SEMA5A: variants seen among roughly 807,000 people sequenced by gnomAD.
SEMA5A encodes the protein semaphorin-5A.
SEMA5A carries 55 observed loss-of-function variants against 135.5 expected under a neutral mutation model. The observed-to-expected ratio is 0.41, with a 90% CI of 0.33 to 0.51. The LOEUF is 0.51. Among genes scored for constraint, SEMA5A ranks in the 20% least tolerant of loss-of-function variants. The probability of loss-of-function intolerance (pLI) is 0.37; values close to 1 mark genes in which losing one functional copy is unlikely to be tolerated. For missense variants in SEMA5A, 1,290 were observed against 1,419.9 expected (o/e 0.91, Z 1.47); for synonymous variants, 580 against 546.5 (o/e 1.06, Z -0.85).
chr5:9,195,323 G>A (rs1298485317), intron 10 of SEMA5A, among the ~76,000 whole-genome samples: 1 of 152,060 alleles, frequency 6.6e-6, no homozygotes, highest in East Asian at 1.9e-4. Flanking sequence ...ATGACACCGT[G>A]CCTGGCTAAT....
Position 9,305,730 on chromosome 5 carries a change from ACACG to A in SEMA5A, c.270+12638_270+12641del, listed in dbSNP as rs1368492066. ...TGCGTATATATATATATATATATTT[ACACG>A]CACACACACACACACACACACATAT... On this transcript the variant is annotated intron_variant, in intron 5 of 22. Transcript: ENST00000382496. Among the ~76,000 whole-genome samples, 10 of 80,318 alleles carry A rather than the reference ACACG, an allele frequency of 1.2e-4. 2 individuals carry two copies. The highest frequency in any genetic ancestry group is 2.8e-4 in the Non-Finnish European group (10 of 35,914). The allele number at this position is 80,318 out of a possible 152,430, so 52.7% of individuals were successfully genotyped here. A position where few individuals can be genotyped will look rare whatever the true frequency, so the allele number is the denominator to read the frequency against.
At chr5:9,249,292 A>C (rs896186501) in intron 5 of SEMA5A, among the ~76,000 whole-genome samples, 1 of 152,178 alleles carries the variant, frequency 6.6e-6, no homozygotes, top group African/African-American at 2.4e-5. Flanking sequence ...AGGAAGAGAA[A>C]TATGATCCTG....
intron 3 of SEMA5A, among the ~76,000 whole-genome samples, chr5:9,355,218 G>T (rs1167183533): frequency 1.4e-5 from 2 of 140,364 alleles, no homozygotes; most frequent in Non-Finnish European, 3.3e-5. Flanking sequence ...GATTCAGCTT[G>T]CAGCTATAGT....
intron 1 of SEMA5A, among the ~76,000 whole-genome samples, chr5:9,481,948 C>A (rs138045035): frequency 2.0e-5 from 3 of 152,194 alleles, no homozygotes; most frequent in Non-Finnish European, 2.9e-5. Flanking sequence ...AATGAGAGCA[C>A]AAAATGGAAA....
chr5:9,303,558 A>G (rs1751718110), intron 5 of SEMA5A, among the ~76,000 whole-genome samples: 1 of 152,112 alleles, frequency 6.6e-6, no homozygotes, highest in Non-Finnish European at 1.5e-5. Context: ...TTATGTTTCT[A>G]GGAGGTATAA....
At chr5:9,275,234 GA>G (rs1750195079) in intron 5 of SEMA5A, among the ~76,000 whole-genome samples, 1 of 151,528 alleles carries the variant, frequency 6.6e-6, no homozygotes, top group African/African-American at 2.4e-5. Context: ...AAATCTAGAA[GA>G]AATGGAAAAG....
At chr5:9,111,425 T>C (rs938768687) in intron 15 of SEMA5A, among the ~76,000 whole-genome samples, 3 of 152,188 alleles carry the variant, frequency 2.0e-5, no homozygotes, top group African/African-American at 7.2e-5. Flanking sequence ...ACACAAATCC[T>C]TTCTGTTATT....
At position 9,038,363 on chromosome 5, in the gene SEMA5A, CTT is replaced by C. The variant is rs1735765817; in HGVS notation, c.*4532_*4533del. ...CTGGTTCTGTGTTCCAGAGCCATCT[CTT>C]GAGATAGAAATGCTGAGGTCAATGG... is the stretch of plus-strand genomic sequence containing the variant. On this transcript the variant is annotated 3_prime_UTR_variant, in exon 23 of 23. Coordinates refer to ENST00000382496, the MANE Select transcript of SEMA5A (RefSeq NM_003966.3). The C allele has an allele frequency of 6.6e-6, 1 of 152,110 alleles. No homozygotes were observed. Among genetic ancestry groups the C allele is most frequent in the South Asian group, 2.1e-4 (1 of 4,824 alleles). The allele number at this position is 152,110 out of a possible 1,614,324, so 9.4% of individuals were successfully genotyped here. A position where few individuals can be genotyped will look rare whatever the true frequency, so the allele number is the denominator to read the frequency against.
chr5:9,053,212 C>T (rs59744644), intron 19 of SEMA5A, among the ~76,000 whole-genome samples: 2,897 of 152,196 alleles, frequency 0.019, 96 homozygotes, highest in African/African-American at 0.066. Flanking sequence ...TGGTGGAGGC[C>T]CCAAGCGCCT....
intron 18 of SEMA5A, among the ~76,000 whole-genome samples, chr5:9,061,798 A>G (rs542872504): frequency 3.8e-4 from 58 of 152,118 alleles, no homozygotes; most frequent in African/African-American, 1.3e-3. Context: ...CTAGGCCCAC[A>G]GGAGAGAAGA....
chr5:9,048,327 C>G (rs1218073236), intron 21 of SEMA5A, among the ~76,000 whole-genome samples: 1 of 152,214 alleles, frequency 6.6e-6, no homozygotes, highest in African/African-American at 2.4e-5. Context: ...GACATCATCC[C>G]TCTAAGTCTC....
In SEMA5A at chr5:9,415,000, G is replaced by C. The variant is rs113249793; in HGVS notation, c.-78+22756C>G. On this transcript the variant is annotated intron_variant, in intron 2 of 22. Transcript: ENST00000382496. ...AAAATATTATGTCATTTCATAGATG[G>C]GTCTCAATTATTTTGTGATTCATTG... 4.5e-3 allele frequency among the ~76,000 whole-genome samples: 691 copies of C among 152,162 alleles called. 5 individuals are homozygous for C. The highest frequency in any genetic ancestry group is 0.016 in the African/African-American group (666 of 41,492).
intron 5 of SEMA5A, among the ~76,000 whole-genome samples, chr5:9,243,864 C>A (rs1748340177): frequency 6.6e-6 from 1 of 152,098 alleles, no homozygotes. Flanking sequence ...CCCCTTCTTA[C>A]CTGATTTTTA....
At chr5:9,254,726 C>T (rs760951453) in intron 5 of SEMA5A, among the ~76,000 whole-genome samples, 1 of 151,806 alleles carries the variant, frequency 6.6e-6, no homozygotes, top group East Asian at 1.9e-4. Context: ...ATGGAGGACA[C>T]AGAGCATTAT....
At chr5:9,239,197 A>G (rs1320768641) in intron 5 of SEMA5A, among the ~76,000 whole-genome samples, 1 of 152,208 alleles carries the variant, frequency 6.6e-6, no homozygotes, top group Non-Finnish European at 1.5e-5. Flanking sequence ...TGTCTTTGAA[A>G]CCAAAACAAT....
chr5:9,396,728 A>C (rs1756420685), intron 2 of SEMA5A, among the ~76,000 whole-genome samples: 1 of 152,162 alleles, frequency 6.6e-6, no homozygotes, highest in Non-Finnish European at 1.5e-5. Context: ...AGAGAACCCC[A>C]GTCAAGCCTC....
chr5:9,079,876 T>A (rs1277349261), intron 16 of SEMA5A, among the ~76,000 whole-genome samples: 1 of 152,074 alleles, frequency 6.6e-6, no homozygotes, highest in Non-Finnish European at 1.5e-5. Context: ...AGAATGGTGA[T>A]CATTAAAAAG....
intron 1 of SEMA5A, among the ~76,000 whole-genome samples, chr5:9,488,299 G>A (rs1734828946): frequency 6.6e-6 from 1 of 152,100 alleles, no homozygotes; most frequent in Non-Finnish European, 1.5e-5. Flanking sequence ...ACCTACACAT[G>A]AACCCAGATG....
Position 9,042,977 on chromosome 5 carries a change from T to G in SEMA5A, c.3145A>C (p.Lys1049Gln). The change falls in exon 23 of 23, where the codon AAA (lysine) becomes CAA (glutamine). Residue 1049 changes from lysine to glutamine, a missense_variant. Physicochemically the swap from Lys to Gln is moderately conservative, Grantham distance 53. Around this residue, in one of 3 missense-constraint regions of SEMA5A, gnomAD observed 1,029 missense variants for 1,086.6 expected, o/e 0.95. Transcript: ENST00000382496. ...KNNLILEERN[K>Q]YFNPHLTGKT... ...CCAGTGAGATGTGGGTTGAAGTATT[T>G]GTTTCTTTCCTCTAGGATCAAGTTG... 1 of 1,612,948 alleles carries G rather than the reference T, an allele frequency of 6.2e-7. No homozygotes were observed. Among genetic ancestry groups the G allele is most frequent in the Non-Finnish European group, 8.5e-7 (1 of 1,179,086 alleles).
Sources: allele counts gnomAD v4.1 joint callset (sites outside exome capture counted in the v4.1 genomes callset), GRCh38; gene constraint gnomAD v4.1.1; regional missense constraint gnomAD v4.1.1; transcripts MANE v1.5; gene names NCBI Gene and HGNC (gene_info 2026-07-23, HGNC 2026-07-21).